Variants in DACH1 observed in about 807,000 individuals in gnomAD.
The protein encoded by DACH1 is dachshund family transcription factor 1, also known as dachshund homolog 1.
DACH1 carries 12 observed loss-of-function variants against 54.2 expected under a neutral mutation model. The ratio of observed to expected loss-of-function variants is 0.22; its 90% CI spans 0.14 to 0.36. The LOEUF is 0.36. Ranked by LOEUF, DACH1 falls within the 10% of genes least tolerant of loss-of-function variation. The pLI is 1.00. For synonymous variants in DACH1, 386 were observed against 366.2 expected (o/e 1.05, Z -0.62); for missense variants, 805 against 929.8 (o/e 0.87, Z 1.75).
At chr13:71,759,377 C>T (rs1025746484) in intron 1 of DACH1, among the ~76,000 whole-genome samples, 1 of 151,532 alleles carries the variant, frequency 6.6e-6, no homozygotes, top group African/African-American at 2.4e-5. Context: ...TTCATTCCCC[C>T]CAACCCCCAC....
intron 3 of DACH1, among the ~76,000 whole-genome samples, chr13:71,606,774 T>C (rs1466405989): frequency 6.6e-6 from 1 of 152,072 alleles, no homozygotes; most frequent in Non-Finnish European, 1.5e-5. Context: ...ATAAAATAGC[T>C]ATTCATGATT....
intron 3 of DACH1, among the ~76,000 whole-genome samples, chr13:71,594,163 T>A (rs1873925619): frequency 6.6e-6 from 1 of 151,478 alleles, no homozygotes; most frequent in African/African-American, 2.4e-5. Context: ...TATGGACATC[T>A]CTAATATAAA....
chr13:71,623,267 T>C (rs1876379682), intron 3 of DACH1, among the ~76,000 whole-genome samples: 1 of 151,684 alleles, frequency 6.6e-6, no homozygotes, highest in Non-Finnish European at 1.5e-5. Context: ...AGAATAATGC[T>C]ATCCAATTTC....
At chr13:71,827,018 G>T (rs1240715658) in intron 1 of DACH1, among the ~76,000 whole-genome samples, 1 of 152,102 alleles carries the variant, frequency 6.6e-6, no homozygotes, top group Non-Finnish European at 1.5e-5. Context: ...ATCCAGGAGA[G>T]TGGGAGTATT....
intron 10 of DACH1, among the ~76,000 whole-genome samples, chr13:71,468,350 C>A (rs1175781561): frequency 6.6e-6 from 1 of 152,016 alleles, no homozygotes; most frequent in African/African-American, 2.4e-5. Flanking sequence ...TTCACAATGA[C>A]CTTTTGAGGT....
intron 4 of DACH1, among the ~76,000 whole-genome samples, chr13:71,564,582 T>C (rs966059049): frequency 2.6e-5 from 4 of 151,912 alleles, no homozygotes; most frequent in African/African-American, 9.7e-5. Flanking sequence ...GTGTGTAGGA[T>C]AATTCAGAAT....
At chr13:71,759,548 T>C (rs551640689) in intron 1 of DACH1, among the ~76,000 whole-genome samples, 1 of 152,296 alleles carries the variant, frequency 6.6e-6, no homozygotes, top group African/African-American at 2.4e-5. Context: ...TCTGGGAATT[T>C]AAAGTTTAGC....
At chr13:71,683,393 G>T (rs986403249) in intron 1 of DACH1, among the ~76,000 whole-genome samples, 3 of 151,920 alleles carry the variant, frequency 2.0e-5, no homozygotes, top group African/African-American at 4.8e-5. Flanking sequence ...CCATGGAGAA[G>T]AAAAGAATAA....
chr13:71,867,204 T>G lies in DACH1; in HGVS notation c.-435A>C. 5.8e-5 allele frequency: 9 copies of G among 156,214 alleles called. No individual in the cohort carries two copies. Among genetic ancestry groups the G allele is most frequent in the Non-Finnish European group, 8.4e-5 (6 of 71,096 alleles). The allele number at this position is 156,214 out of a possible 1,614,324, so 9.7% of individuals were successfully genotyped here. ...CATTGATCAAAGATTGAGAGGGGAA[T>G]GACAGAGAGAAAATGAGCTGAAAAG... is the stretch of plus-strand genomic sequence containing the variant. On this transcript the variant is annotated 5_prime_UTR_variant, in exon 1 of 11. Transcript: ENST00000613252.
At chr13:71,691,953 TGAA>T (rs1272860737) in intron 1 of DACH1, among the ~76,000 whole-genome samples, 3 of 150,196 alleles carry the variant, frequency 2.0e-5, no homozygotes, top group African/African-American at 7.4e-5. Context: ...GTTTGTCAAC[TGAA>T]GGAGAGGAGG....
chr13:71,608,294 T>C (rs1875037269), intron 3 of DACH1, among the ~76,000 whole-genome samples: 1 of 152,000 alleles, frequency 6.6e-6, no homozygotes, highest in Non-Finnish European at 1.5e-5. Flanking sequence ...CTAATACACA[T>C]TAAAATTCGT....
intron 6 of DACH1, among the ~76,000 whole-genome samples, chr13:71,546,695 A>G (rs1333127424): frequency 6.6e-6 from 1 of 152,026 alleles, no homozygotes; most frequent in Non-Finnish European, 1.5e-5. Flanking sequence ...AGGAAAAAAT[A>G]TCATTAAAAA....
intron 1 of DACH1, among the ~76,000 whole-genome samples, chr13:71,820,226 C>T (rs1047801015): frequency 6.6e-6 from 1 of 152,008 alleles, no homozygotes; most frequent in Admixed American, 6.5e-5. Context: ...TACTGCACTG[C>T]CCGAGAGATT....
chr13:71,439,990 T>C lies in DACH1; in HGVS notation c.*665A>G, dbSNP rs1384206279. On this transcript the variant is annotated 3_prime_UTR_variant, in exon 11 of 11. Coordinates refer to ENST00000613252, the MANE Select transcript of DACH1 (RefSeq NM_080759.6). ...AAAAAAAACCTTCAGTGAAAGCTTT[T>C]GGCTTATATTCAATGCTTCTTTTCA... is the stretch of plus-strand genomic sequence containing the variant. The C allele has an allele frequency of 6.6e-6, 1 of 152,226 alleles. No homozygotes were observed. Among genetic ancestry groups the C allele is most frequent in the Non-Finnish European group, 1.5e-5 (1 of 67,920 alleles). 9.4% of individuals were successfully genotyped at this position (152,226 alleles called of 1,614,324 possible).
intron 1 of DACH1, among the ~76,000 whole-genome samples, chr13:71,799,411 T>C (rs1324378185): frequency 1.3e-5 from 2 of 152,170 alleles, no homozygotes; most frequent in Admixed American, 1.3e-4. Flanking sequence ...ATTTCTATTA[T>C]GCTATTCTCT....
chr13:71,555,233 T>C (rs1884161969), intron 6 of DACH1, among the ~76,000 whole-genome samples: 1 of 152,190 alleles, frequency 6.6e-6, no homozygotes, highest in South Asian at 2.1e-4. Flanking sequence ...TCAACCCTAG[T>C]GGAGAATGAT....
At chr13:71,711,613 A>G (rs1882726690) in intron 1 of DACH1, among the ~76,000 whole-genome samples, 1 of 152,188 alleles carries the variant, frequency 6.6e-6, no homozygotes, top group Admixed American at 6.6e-5. Flanking sequence ...GACAGATTAA[A>G]ATAATCATTT....
At chr13:71,798,054 A>G (rs2138114681) in intron 1 of DACH1, among the ~76,000 whole-genome samples, 1 of 152,170 alleles carries the variant, frequency 6.6e-6, no homozygotes, top group South Asian at 2.1e-4. Context: ...AGGGGAACCA[A>G]GTAGAAATAT....
At chr13:71,477,093 T>TAC (rs1877599865) in intron 8 of DACH1, among the ~76,000 whole-genome samples, 1 of 50,178 alleles carries the variant, frequency 2.0e-5, no homozygotes, top group Non-Finnish European at 4.2e-5. Flanking sequence ...TATATATATA[T>TAC]ATATATATAT....
Sources: gnomAD v4.1 joint callset for allele counts (sites outside exome capture counted in the v4.1 genomes callset) on GRCh38, gnomAD v4.1.1 for gene constraint, MANE v1.5 for transcripts, NCBI Gene and HGNC (gene_info 2026-07-23, HGNC 2026-07-21) for gene names.